SMC2: variants seen among roughly 807,000 people sequenced by gnomAD.
The protein encoded by SMC2 is structural maintenance of chromosomes 2.
In SMC2, 41 loss-of-function variants were observed where a neutral mutation model predicts 142.6. That is an observed-to-expected ratio of 0.29 (90% CI 0.22 to 0.37). The LOEUF (loss-of-function observed/expected upper bound fraction) is 0.37, where lower values mean the gene tolerates loss of function less well. Ranked by LOEUF, SMC2 falls within the 10% of genes least tolerant of loss-of-function variation. The pLI is 1.00. For missense variants in SMC2, 1,265 were observed against 1,373.7 expected, an observed-to-expected ratio of 0.92 and a Z score of 1.25; for synonymous variants, 463 against 457.5, an observed-to-expected ratio of 1.01 and a Z score of -0.15.
intron 14 of SMC2, among the ~76,000 whole-genome samples, chr9:104,117,670 A>G (rs1833275555): frequency 6.6e-6 from 1 of 152,092 alleles, no homozygotes; most frequent in Admixed American, 6.5e-5. Flanking sequence ...TAGGTTAAGC[A>G]CTCCAAGTCC....
At chr9:104,100,061 G>T (rs1830934346) in intron 5 of SMC2, 32 bp from the exon 6 acceptor site, 1 of 1,192,006 alleles carries the variant, frequency 8.4e-7, no homozygotes, top group African/African-American at 1.5e-5. Context: ...CATTGTCTTG[G>T]ATACTAAACA....
At chr9:104,092,009 C>CCTATA (rs1210734627), upstream of SMC2, 1 of 152,158 alleles carries the variant, frequency 6.6e-6, no homozygotes, top group Non-Finnish European at 1.5e-5. Context: ...CTGCATCTAC[C>CCTATA]CTATACTCTC....
chr9:104,129,736 AC>A lies in SMC2; in HGVS notation c.2885del (p.Pro962LeufsTer14), dbSNP rs1564112807. On this transcript the variant is annotated frameshift_variant, in exon 21 of 25. Transcript: ENST00000374793. LOFTEE classifies it high-confidence loss of function. Reference protein sequence around the residue: ...PNSAYDFKTNNPKEAGQRLQK... With the variant: ...PNSAYDFKTNXPKEAGQRLQK... The stretch of plus-strand genomic sequence containing the variant: ...AGTGCCTATGATTTCAAAACTAACA[AC>A]CCTAAAGAAGCTGGTCAGAGACTTC... The A allele has an allele frequency of 6.2e-7, 1 of 1,613,948 alleles. No homozygotes were observed. Among genetic ancestry groups the A allele is most frequent in the Non-Finnish European group, 8.5e-7 (1 of 1,179,880 alleles).
chr9:104,091,387 A>T (rs1212064414), upstream of SMC2, among the ~76,000 whole-genome samples: 1 of 101,418 alleles, frequency 9.9e-6, no homozygotes, highest in African/African-American at 3.7e-5. Flanking sequence ...TTACAACATC[A>T]CTAAGCAACA....
Position 104,123,204 on chromosome 9 carries a change from A to T in SMC2, c.2229A>T (p.Glu743Asp). The T allele has an allele frequency of 6.2e-7, 1 of 1,612,926 alleles. No homozygotes were observed. The highest frequency in any genetic ancestry group is 8.5e-7 in the Non-Finnish European group (1 of 1,179,404). ...AAAGCTCATATCACAAGCAACAAGA[A>T]GAATTAGATGCCCTTAAAAAAACCA... is the stretch of plus-strand genomic sequence containing the variant. Reference protein sequence around the residue: ...LQQSSYHKQQEELDALKKTIE... With the variant: ...LQQSSYHKQQDELDALKKTIE... Residue 743 changes from glutamate (E) to aspartate (D), a missense_variant, in exon 17 of 25, where the codon GAA (glutamate) becomes GAT (aspartate). Around this residue, in one of 4 missense-constraint regions of SMC2, gnomAD observed 898 missense variants for 904.2 expected, o/e 0.99. Coordinates refer to ENST00000374793, the MANE Select transcript of SMC2 (RefSeq NM_006444.3).
At chr9:104,114,856 T>C (rs1832905466) in intron 13 of SMC2, 27 bp downstream of exon 13, 2 of 1,576,388 alleles carry the variant, frequency 1.3e-6, no homozygotes, top group Non-Finnish European at 1.7e-6. Context: ...TTTAAAAAAT[T>C]TAAAATTTGG....
rs529480719 is a variant in SMC2, at chr9:104,125,119, T to G, written c.2451+14T>G. 2 of 1,556,832 alleles carry G rather than the reference T, an allele frequency of 1.3e-6. No individual in the cohort carries two copies. The highest frequency in any genetic ancestry group is 2.5e-5 in the South Asian group (2 of 81,574). ...GAAAAACAACAGGTAATAACTTCTT[T>G]TTGAAATTGAACCAACCTTTTAAAG... On this transcript the variant is annotated intron_variant, in intron 18 of 24. Coordinates refer to ENST00000374793, the MANE Select transcript of SMC2 (RefSeq NM_006444.3).
intron 13 of SMC2, among the ~76,000 whole-genome samples, chr9:104,115,705 G>A (rs1159649767): frequency 7.9e-5 from 12 of 151,968 alleles, no homozygotes; most frequent in Non-Finnish European, 1.6e-4. Context: ...TTTTTTGTGT[G>A]TGACAGCACC....
intron 10 of SMC2, 99 bp downstream of exon 10, chr9:104,111,913 A>G (rs933851847): frequency 1.2e-6 from 1 of 842,330 alleles, no homozygotes; most frequent in Admixed American, 3.0e-5. Context: ...GAAAATAATC[A>G]GTCTCAAGGA....
chr9:104,097,943 C>T (rs901645697), intron 3 of SMC2, among the ~76,000 whole-genome samples: 4 of 152,126 alleles, frequency 2.6e-5, no homozygotes, highest in Admixed American at 2.0e-4. Context: ...AGTATGGTGT[C>T]TGGGATGACT....
At chr9:104,137,657 T>C (rs1221570624) in intron 23 of SMC2, among the ~76,000 whole-genome samples, 1 of 101,548 alleles carries the variant, frequency 9.8e-6, no homozygotes, top group East Asian at 2.0e-4. Flanking sequence ...TCTTAAATAA[T>C]GACCATAGCT....
chr9:104,098,529 T>G lies in SMC2; in HGVS notation c.402T>G (p.Val134=). 1 of 1,597,942 alleles carries G rather than the reference T, an allele frequency of 6.3e-7. No individual in the cohort carries two copies. Among genetic ancestry groups the G allele is most frequent in the Non-Finnish European group, 8.5e-7 (1 of 1,174,248 alleles). The change falls in exon 4 of 25, where the codon GTT becomes GTG. Residue 134 remains valine (V), a synonymous_variant. Coordinates refer to ENST00000374793, the MANE Select transcript of SMC2 (RefSeq NM_006444.3). ...NTRVQDLFCS[V]GLNVNNPHFL... ...GAGTACAGGATCTCTTCTGTTCTGT[T>G]GGCCTTAATGTTAACAACCCTCACT...
intron 23 of SMC2, among the ~76,000 whole-genome samples, chr9:104,136,382 G>A (rs1835527876): frequency 6.6e-6 from 1 of 151,860 alleles, no homozygotes; most frequent in Non-Finnish European, 1.5e-5. Context: ...AGCTCCTGCT[G>A]CCTGTTCATA....
rs1833359197 is a variant in SMC2, at chr9:104,118,324, A to G, written c.1945A>G (p.Thr649Ala). The G allele has an allele frequency of 1.9e-6, 3 of 1,613,276 alleles. No individual in the cohort carries two copies. Among genetic ancestry groups the G allele is most frequent in the Non-Finnish European group, 2.5e-6 (3 of 1,179,578 alleles). Reference protein sequence around the residue: ...VAFDKRIMTRTVTLGGDVFDP... With the variant: ...VAFDKRIMTRAVTLGGDVFDP... ...CTTTGATAAGAGGATAATGACTAGA[A>G]CTGTAACTCTCGGAGGTGATGTGTT... Residue 649 changes from threonine to alanine, a missense_variant, in exon 15 of 25, where the codon ACT (threonine) becomes GCT (alanine). Around this residue, in one of 4 missense-constraint regions of SMC2, gnomAD observed 898 missense variants for 904.2 expected, o/e 0.99. Coordinates refer to ENST00000374793, the MANE Select transcript of SMC2 (RefSeq NM_006444.3).
rs914408462 is a variant in SMC2, at chr9:104,104,871, A to G, written c.1020+2298A>G. On this transcript the variant is annotated intron_variant, in intron 9 of 24. Transcript: ENST00000374793. Reference sequence around the variant, plus strand: ...AGCCAGAATACATTTCACTGTGCCCAGGAGGACCACAGGCAGGATGATCAG... The same window carrying G: ...AGCCAGAATACATTTCACTGTGCCCGGGAGGACCACAGGCAGGATGATCAG... Among the ~76,000 whole-genome samples, 11 of 152,378 alleles carry G rather than the reference A, an allele frequency of 7.2e-5. No individual in the cohort carries two copies. In the East Asian group the frequency reaches 2.1e-3, roughly 29 times the overall value.
In SMC2 at chr9:104,098,465, A is replaced by G. The variant is rs749896885; in HGVS notation, c.338A>G (p.Asn113Ser). 3 of 1,592,794 alleles carry G rather than the reference A, an allele frequency of 1.9e-6. No homozygotes were observed. The highest frequency in any genetic ancestry group is 1.2e-5 in the South Asian group (1 of 86,436). The change falls in exon 4 of 25, where the codon AAT (asparagine) becomes AGT (serine). Residue 113 changes from asparagine (N) to serine (S), a missense_variant. Physicochemically the swap from Asn to Ser is conservative, Grantham distance 46. Transcript: ENST00000374793. ...VTRQVVIGGRNKYLINGVNAN... is the reference protein window; with the variant it reads ...VTRQVVIGGRSKYLINGVNAN... ...TTATAGGTGGTTATTGGTGGTAGAA[A>G]TAAATATTTAATCAATGGAGTCAAT...
chr9:104,118,484 C>T, intron 15 of SMC2, 109 bp downstream of exon 15: 1 of 907,790 alleles, frequency 1.1e-6, no homozygotes, highest in South Asian at 1.8e-5. Context: ...AACATGTTAA[C>T]TTCTCATTTG....
chr9:104,120,517 CATGA>C (rs1399921997), intron 16 of SMC2, among the ~76,000 whole-genome samples: 2 of 152,294 alleles, frequency 1.3e-5, no homozygotes, highest in Non-Finnish European at 2.9e-5. Flanking sequence ...CTTGATTTGA[CATGA>C]ATATGATACA....
intron 23 of SMC2, 63 bp downstream of exon 23, chr9:104,134,638 C>G (rs915078048): frequency 1.3e-5 from 15 of 1,143,040 alleles, no homozygotes; most frequent in Non-Finnish European, 1.8e-5. Context: ...ATCTCCTTAC[C>G]TTAAAACTGT....
Sources: gnomAD v4.1 joint callset for allele counts (sites outside exome capture counted in the v4.1 genomes callset) on GRCh38, gnomAD v4.1.1 for gene constraint, gnomAD v4.1.1 regional missense constraint, MANE v1.5 for transcripts, NCBI Gene and HGNC (gene_info 2026-07-23, HGNC 2026-07-21) for gene names.